NOTCH2: variants seen among roughly 807,000 people sequenced by gnomAD.
NOTCH2 encodes the protein notch receptor 2, also known as neurogenic locus notch homolog protein 2.
A neutral mutation model predicts 235.8 loss-of-function variants in NOTCH2; 29 were observed. The ratio of observed to expected loss-of-function variants is 0.12; its 90% CI spans 0.09 to 0.17. The LOEUF is 0.17. Among genes scored for constraint, NOTCH2 ranks in the 10% least tolerant of loss-of-function variants. The probability of loss-of-function intolerance (pLI) is 1.00; values close to 1 mark genes in which losing one functional copy is unlikely to be tolerated. For synonymous variants in NOTCH2, 1,086 were observed against 1,141.5 expected (o/e 0.95, Z 0.98); for missense variants, 2,285 against 3,150.2 (o/e 0.73, Z 6.57).
chr1:119,977,382 C>T lies in NOTCH2; in HGVS notation c.875-7638G>A, dbSNP rs375263017. 4.6e-5 allele frequency among the ~76,000 whole-genome samples: 7 copies of T among 152,256 alleles called. No homozygotes were observed. In the East Asian group the frequency reaches 7.7e-4, roughly 17 times the overall value. Reference sequence around the variant, plus strand: ...CTCATTTGTATCACACCCAGATTCACCTTGCCTTTGCCCACTAATCCTTCA... The same window carrying T: ...CTCATTTGTATCACACCCAGATTCATCTTGCCTTTGCCCACTAATCCTTCA... On this transcript the variant is annotated intron_variant, in intron 5 of 33. Coordinates refer to ENST00000256646, the MANE Select transcript of NOTCH2 (RefSeq NM_024408.4).
In NOTCH2 at chr1:119,997,030, C is replaced by T. The variant is rs782021856; in HGVS notation, c.718G>A (p.Gly240Ser). 44 of 1,613,880 alleles carry T rather than the reference C, an allele frequency of 2.7e-5. No individual in the cohort carries two copies. Among genetic ancestry groups the T allele is most frequent in the Non-Finnish European group, 3.6e-5 (42 of 1,179,870 alleles). The part of the protein sequence containing the change: ...CVNGGTCRQT[G>S]DFTFECNCLP... ...CAGTTGCACTCAAAAGTGAAGTCACCAGTCTGCCGACAGGTGCCTCCATTG... is the reference window on the plus strand; with the variant it reads ...CAGTTGCACTCAAAAGTGAAGTCACTAGTCTGCCGACAGGTGCCTCCATTG... Residue 240 changes from glycine (G) to serine (S), a missense_variant, in exon 4 of 34, where the codon GGT becomes AGT. This residue lies in a region of NOTCH2 where 431 missense variants were observed against 757.8 expected (regional missense o/e 0.57). Transcript: ENST00000256646.
intron 30 of NOTCH2, 115 bp downstream of exon 30, chr1:119,920,114 A>T: frequency 8.9e-7 from 1 of 1,122,290 alleles, no homozygotes; most frequent in Non-Finnish European, 1.3e-6. Context: ...GAGCTGATTT[A>T]GAGTCTGTGA....
intron 1 of NOTCH2, among the ~76,000 whole-genome samples, chr1:120,030,190 G>A (rs1654039251): frequency 6.6e-6 from 1 of 152,128 alleles, no homozygotes; most frequent in African/African-American, 2.4e-5. Context: ...CACGTTTGTG[G>A]TCTTGAATGA....
intron 5 of NOTCH2, among the ~76,000 whole-genome samples, chr1:119,978,241 G>A (rs912822072): frequency 9.2e-5 from 14 of 151,958 alleles, no homozygotes; most frequent in African/African-American, 3.4e-4. Context: ...GTTCATTTGC[G>A]GCAATGAAAA....
At chr1:119,968,618 A>T (rs1320586963) in intron 6 of NOTCH2, among the ~76,000 whole-genome samples, 1 of 152,222 alleles carries the variant, frequency 6.6e-6, no homozygotes, top group Non-Finnish European at 1.5e-5. Flanking sequence ...GTATGTCTCA[A>T]ATATTCCATA....
At position 119,925,647 on chromosome 1, in the gene NOTCH2, T is replaced by C. The variant is rs373035180; in HGVS notation, c.4169A>G (p.His1390Arg). Residue 1390 changes from histidine (H) to arginine (R), a missense_variant, in exon 25 of 34, where the codon CAC becomes CGC. Around this residue, in one of 6 missense-constraint regions of NOTCH2, gnomAD observed 1,173 missense variants for 1,515.3 expected, o/e 0.77. Coordinates refer to ENST00000256646, the MANE Select transcript of NOTCH2 (RefSeq NM_024408.4). ...GTAATAAGGAGGCTGGCGCTGAGGGTGGCAGCTGCCCCCGTGCTGGCAGGG... is the reference window on the plus strand; with the variant it reads ...GTAATAAGGAGGCTGGCGCTGAGGGCGGCAGCTGCCCCCGTGCTGGCAGGG... ...SSPCQHGGSC[H>R]PQRQPPYYSC... 5.3e-5 allele frequency: 86 copies of C among 1,611,924 alleles called. No individual in the cohort carries two copies. Among genetic ancestry groups the C allele is most frequent in the Non-Finnish European group, 6.8e-5 (80 of 1,178,736 alleles).
Position 119,953,525 on chromosome 1 carries a change from A to G in NOTCH2, c.2365+18T>C. ...GAAGACAAAGAGCAGACGCAGAAAG[A>G]TGTACTTTTGTTTTCACCTTTAAAG... On this transcript the variant is annotated intron_variant, in intron 14 of 33. Transcript: ENST00000256646. The G allele has an allele frequency of 6.2e-7, 1 of 1,613,556 alleles. No homozygotes were observed. The highest frequency in any genetic ancestry group is 1.1e-5 in the South Asian group (1 of 91,070).
At chr1:119,961,043 T>C (rs1372314979) in intron 11 of NOTCH2, among the ~76,000 whole-genome samples, 6 of 152,176 alleles carry the variant, frequency 3.9e-5, no homozygotes, top group African/African-American at 1.4e-4. Flanking sequence ...CTGCTTTGCC[T>C]GTCATGTAAG....
intron 5 of NOTCH2, among the ~76,000 whole-genome samples, chr1:119,983,454 T>C (rs1651895189): frequency 6.6e-6 from 1 of 152,138 alleles, no homozygotes; most frequent in Non-Finnish European, 1.5e-5. Context: ...TGCCCGGCCA[T>C]ACTAAGTCTT....
intron 1 of NOTCH2, 31 bp downstream of exon 1, chr1:120,069,303 C>A (rs782381909): frequency 1.3e-6 from 2 of 1,542,228 alleles, no homozygotes; most frequent in Non-Finnish European, 1.7e-6. Flanking sequence ...CCCCGGGCGC[C>A]GCGGACAGCG....
intron 2 of NOTCH2, among the ~76,000 whole-genome samples, chr1:120,026,001 T>G (rs1288774833): frequency 7.1e-6 from 1 of 140,590 alleles, no homozygotes; most frequent in Non-Finnish European, 1.5e-5. Context: ...TTATTAAGAT[T>G]TGACAGTAGT....
chr1:119,972,499 A>T (rs990369876), intron 5 of NOTCH2, among the ~76,000 whole-genome samples: 1 of 152,206 alleles, frequency 6.6e-6, no homozygotes. Flanking sequence ...AGGCTTTGTG[A>T]TAATTTTGGG....
intron 1 of NOTCH2, among the ~76,000 whole-genome samples, chr1:120,037,196 G>C (rs1414221304): frequency 1.3e-5 from 2 of 151,920 alleles, no homozygotes; most frequent in Non-Finnish European, 2.9e-5. Context: ...TTAACGTCTT[G>C]ACTGTCTGAG....
intron 21 of NOTCH2, 97 bp downstream of exon 21, chr1:119,937,185 A>G (rs1649884572): frequency 6.7e-6 from 8 of 1,200,334 alleles, no homozygotes; most frequent in South Asian, 1.2e-5. Context: ...TAAACTATCA[A>G]TATAAGATAC....
chr1:119,955,961 T>C (rs1226607473), intron 12 of NOTCH2, among the ~76,000 whole-genome samples: 2 of 152,208 alleles, frequency 1.3e-5, no homozygotes. Flanking sequence ...TTGTGATGAA[T>C]AGAATCTAGC....
At chr1:120,000,532 C>CA (rs1183950511) in intron 3 of NOTCH2, among the ~76,000 whole-genome samples, 1,859 of 35,114 alleles carry the variant, frequency 0.053, 25 homozygotes, top group African/African-American at 0.092. Context: ...TACTCCATCT[C>CA]AAAAAAAAAA....
chr1:119,924,022 A>C (rs1315043989), intron 25 of NOTCH2, 38 bp from the exon 26 acceptor site: 1 of 1,503,790 alleles, frequency 6.6e-7, no homozygotes, highest in Non-Finnish European at 9.2e-7. Context: ...AAAAGAGCTC[A>C]GATTAGACTG....
In NOTCH2 at chr1:119,926,754, A is replaced by C. The variant is rs1020733771; in HGVS notation, c.3893-143T>G. The C allele has an allele frequency of 1.1e-5, 8 of 708,062 alleles. No individual in the cohort carries two copies. The African/African-American group carries it at 1.4e-4, about 13-fold the overall frequency. 43.9% of individuals were successfully genotyped at this position (708,062 alleles called of 1,614,324 possible). The stretch of plus-strand genomic sequence containing the variant: ...GTTCTAGGCCTGTGGTAATCTGAGC[A>C]TAGAAAGAAAACACTCACTGCATCT... On this transcript the variant is annotated intron_variant, in intron 23 of 33. Transcript: ENST00000256646.
intron 21 of NOTCH2, 108 bp from the exon 22 acceptor site, chr1:119,935,712 AT>A: frequency 1.6e-6 from 2 of 1,245,686 alleles, no homozygotes; most frequent in Non-Finnish European, 2.3e-6. Context: ...CCACCTCCTA[AT>A]TTAGCTTTTG....
Sources: gnomAD v4.1 joint callset for allele counts (sites outside exome capture counted in the v4.1 genomes callset) on GRCh38, gnomAD v4.1.1 for gene constraint, gnomAD v4.1.1 regional missense constraint, MANE v1.5 for transcripts, NCBI Gene and HGNC (gene_info 2026-07-23, HGNC 2026-07-21) for gene names.